The following C3 variants were observed in gnomAD, a reference collection of about 807,000 sequenced individuals.
C3 encodes complement C3.
A neutral mutation model predicts 207.9 loss-of-function variants in C3; 97 were observed. That is an observed-to-expected ratio of 0.47 (90% CI 0.40 to 0.55). The LOEUF (loss-of-function observed/expected upper bound fraction) is 0.55, where lower values mean the gene tolerates loss of function less well. C3 is among the 20% of genes least tolerant of loss of function. The probability of loss-of-function intolerance (pLI) is 0.00; values close to 1 mark genes in which losing one functional copy is unlikely to be tolerated. For synonymous variants in C3, 848 were observed against 857.6 expected (o/e 0.99, Z 0.20); for missense variants, 1,684 against 2,171.7 (o/e 0.78, Z 4.46).
Position 6,677,717 on chromosome 19 carries a change from G to C in C3, c.*165C>G. 10 of 859,942 alleles carry C rather than the reference G, an allele frequency of 1.2e-5. No homozygotes were observed. Among genetic ancestry groups the C allele is most frequent in the Non-Finnish European group, 1.6e-5 (9 of 558,012 alleles). The allele number at this position is 859,942 out of a possible 1,614,324, so 53.3% of individuals were successfully genotyped here. On this transcript the variant is annotated 3_prime_UTR_variant, in exon 41 of 41. Transcript: ENST00000245907. Reference sequence around the variant, plus strand: ...TAAAGAAGTCAGCACACTAGCAGGCGAACGCCAGGAGAAAATGCGGTGGGA... The same window carrying C: ...TAAAGAAGTCAGCACACTAGCAGGCCAACGCCAGGAGAAAATGCGGTGGGA...
At chr19:6,713,537 G>T (rs371785386) in intron 7 of C3, 28 bp from the exon 8 acceptor site, 3 of 1,533,702 alleles carry the variant, frequency 2.0e-6, no homozygotes, top group African/African-American at 1.4e-5. Context: ...AGGGCTTCAG[G>T]TCCATCCCTC....
rs138214338 is a variant in C3 at position 6,720,564 on chromosome 19, A to G, written c.26T>C (p.Leu9Pro). 7.0e-4 allele frequency: 1,111 copies of G among 1,588,944 alleles called. No individual in the cohort carries two copies. Among genetic ancestry groups the G allele is most frequent in the Non-Finnish European group, 9.2e-4 (1,073 of 1,167,446 alleles). The change falls in exon 1 of 41, where the codon CTG becomes CCG. Residue 9 changes from leucine to proline, a missense_variant. Around this residue, in one of 3 missense-constraint regions of C3, gnomAD observed 58 missense variants for 52.5 expected, o/e 1.10. Coordinates refer to ENST00000245907, the MANE Select transcript of C3 (RefSeq NM_000064.4). ...GAGGTGGGTTAGTAGCAGGAGCAGCAGGCTGGGACCTGAGGTGGGTCCCAT... is the reference window on the plus strand; with the variant it reads ...GAGGTGGGTTAGTAGCAGGAGCAGCGGGCTGGGACCTGAGGTGGGTCCCAT... The part of the protein sequence containing the change: MGPTSGPS[L>P]LLLLLTHLPL...
At chr19:6,697,212 CT>C in intron 21 of C3, 131 bp downstream of exon 21, 2 of 751,282 alleles carry the variant, frequency 2.7e-6, no homozygotes, top group Non-Finnish European at 2.3e-6. Flanking sequence ...AATTCTGGGA[CT>C]TCCAAATTTC....
intron 19 of C3, among the ~76,000 whole-genome samples, chr19:6,700,801 T>G (rs962284555): frequency 4.2e-5 from 4 of 94,522 alleles, no homozygotes; most frequent in African/African-American, 1.7e-4. Context: ...TAATATATAA[T>G]TATATATTAT....
chr19:6,711,566 C>A (rs543463355), intron 11 of C3, among the ~76,000 whole-genome samples: 1 of 152,296 alleles, frequency 6.6e-6, no homozygotes, highest in African/African-American at 2.4e-5. Flanking sequence ...GACTTCTGAC[C>A]TCTCAAACTA....
chr19:6,683,446 A>ATTTTTTTTTTTTTTTTTTTTTTT (rs770744810), intron 33 of C3: 2 of 93,428 alleles, frequency 2.1e-5, no homozygotes, highest in Non-Finnish European at 3.9e-5. Context: ...GTTTTATTCT[A>ATTTTTTTTTTTTTTTTTTTTTTT]TTTTTTTTTT....
intron 35 of C3, among the ~76,000 whole-genome samples, chr19:6,680,647 AC>A (rs746918433): frequency 7.2e-5 from 11 of 151,820 alleles, no homozygotes; most frequent in Admixed American, 2.0e-4. Context: ...ACCCTTCCTT[AC>A]CCCCCATGCC....
At chr19:6,697,887 G>A (rs1208749938) in intron 19 of C3, 93 bp from the exon 20 acceptor site, 2 of 1,293,068 alleles carry the variant, frequency 1.5e-6, no homozygotes, top group African/African-American at 1.5e-5. Context: ...CTCCGCAGGA[G>A]CTCTCCCTAA....
chr19:6,682,354 C>T (rs767976861), intron 33 of C3, 125 bp from the exon 34 acceptor site: 34 of 737,674 alleles, frequency 4.6e-5, no homozygotes, highest in Non-Finnish European at 7.9e-5. Flanking sequence ...CACAGAGGGG[C>T]GTTACATTTT....
intron 14 of C3, among the ~76,000 whole-genome samples, 198 bp downstream of exon 14, chr19:6,709,486 A>G (rs1324694831): frequency 1.3e-5 from 2 of 152,062 alleles, no homozygotes; most frequent in African/African-American, 2.4e-5. Flanking sequence ...TCCAATTCTC[A>G]GGACCATCCC....
rs747747423 is a variant in C3, at chr19:6,702,563, G to A, written c.2262C>T (p.Asp754=). The A allele has an allele frequency of 3.1e-6, 5 of 1,612,776 alleles. No individual in the cohort carries two copies. The highest frequency in any genetic ancestry group is 3.4e-6 in the Non-Finnish European group (4 of 1,178,734). Residue 754 remains aspartate, a synonymous_variant, in exon 18 of 41, where the codon GAC becomes GAT. Coordinates refer to ENST00000245907, the MANE Select transcript of C3 (RefSeq NM_000064.4). ...AAACGATGTTCTCTTCTGCAATGAT[G>A]TCCTCATCCAGGTTACCTGCAGGGG... The part of the protein sequence containing the change: ...LGLARSNLDE[D]IIAEENIVSR...
chr19:6,710,064 G>A lies in C3; in HGVS notation c.1687-222C>T, dbSNP rs138602203. Among the ~76,000 whole-genome samples the A allele has an allele frequency of 5.5e-3, 709 of 128,396 alleles. 27 individuals carry two copies. The highest frequency in any genetic ancestry group is 0.048 in the Admixed American group (594 of 12,436). 84.2% of individuals were successfully genotyped at this position (128,396 alleles called of 152,430 possible). On this transcript the variant is annotated intron_variant, in intron 13 of 40. Coordinates refer to ENST00000245907, the MANE Select transcript of C3 (RefSeq NM_000064.4). The stretch of plus-strand genomic sequence containing the variant: ...GAAAGGGAGAGACAGGGAGAGAGAC[G>A]GAGAGACAGGGAGAGAGGGAGAGAG...
At position 6,718,250 on chromosome 19, in the gene C3, T is replaced by A; in HGVS notation, c.430A>T (p.Thr144Ser). The change falls in exon 3 of 41, where the codon ACA (threonine) becomes TCA (serine). Residue 144 changes from threonine (T) to serine (S), a missense_variant. Coordinates refer to ENST00000245907, the MANE Select transcript of C3 (RefSeq NM_000064.4). ...CTCCAGCCGCCCCCAGCCTCACCTG[T>A]GGAGCCAGGGGTGTAGATGGTCTTG... Reference protein sequence around the residue: ...TDKTIYTPGSTVLYRIFTVNH... With the variant: ...TDKTIYTPGSSVLYRIFTVNH... 6.2e-7 allele frequency: 1 copy of A among 1,614,242 alleles called. No individual in the cohort carries two copies.
intron 33 of C3, 105 bp downstream of exon 33, chr19:6,684,283 C>A (rs1466536860): frequency 2.2e-6 from 2 of 898,616 alleles, no homozygotes; most frequent in Non-Finnish European, 3.8e-6. Flanking sequence ...GTATCAGATA[C>A]ACAGTGTACT....
chr19:6,707,900 G>A lies in C3; in HGVS notation c.1875C>T (p.Ile625=), dbSNP rs1181586208. The change falls in exon 15 of 41, where the codon ATC becomes ATT. Residue 625 remains isoleucine (I), a synonymous_variant. Transcript: ENST00000245907. ...KIWDVVEKAD[I]GCTPGSGKDY... is the part of the protein sequence containing the mutation. Reference sequence around the variant, plus strand: ...CCTTCCCACTGCCCGGGGTGCAGCCGATGTCTGCCTTCTCCACCACGTCCC... The same window carrying A: ...CCTTCCCACTGCCCGGGGTGCAGCCAATGTCTGCCTTCTCCACCACGTCCC... 41 of 1,613,950 alleles carry A rather than the reference G, an allele frequency of 2.5e-5. No individual in the cohort carries two copies. The highest frequency in any genetic ancestry group is 3.1e-5 in the Non-Finnish European group (37 of 1,180,008).
Position 6,717,484 on chromosome 19 carries a change from G to A in C3, c.504+610C>T, listed in dbSNP as rs114190203. On this transcript the variant is annotated intron_variant, in intron 4 of 40. Transcript: ENST00000245907. The stretch of plus-strand genomic sequence containing the variant: ...GTGTGTTGGGTTGTGTGTTGTGTGT[G>A]CTATGTTTGTGTGCACTGTGTTGTG... 3.0e-3 allele frequency: 631 copies of A among 210,896 alleles called. 5 individuals are homozygous for A. Among genetic ancestry groups the A allele is most frequent in the African/African-American group, 0.014 (605 of 43,452 alleles). 13.1% of individuals were successfully genotyped at this position (210,896 alleles called of 1,614,324 possible).
chr19:6,696,209 C>CAAA (rs963475515), intron 23 of C3, among the ~76,000 whole-genome samples, 170 bp downstream of exon 23: 3 of 63,816 alleles, frequency 4.7e-5, no homozygotes, highest in Non-Finnish European at 6.4e-5. Context: ...GACTCTGTCT[C>CAAA]AAAAAAAAAA....
intron 26 of C3, among the ~76,000 whole-genome samples, chr19:6,692,044 C>T (rs1300469496): frequency 6.6e-6 from 1 of 150,728 alleles, no homozygotes; most frequent in East Asian, 1.9e-4. Context: ...ACTCACACCC[C>T]TCAGATTCCT....
At chr19:6,685,425 A>T (rs1917979945) in intron 29 of C3, among the ~76,000 whole-genome samples, 1 of 152,192 alleles carries the variant, frequency 6.6e-6, no homozygotes, top group Non-Finnish European at 1.5e-5. Context: ...AGCGACCCTG[A>T]GGATGCAGTC....
Sources: allele counts gnomAD v4.1 joint callset (sites outside exome capture counted in the v4.1 genomes callset), GRCh38; gene constraint gnomAD v4.1.1; regional missense constraint gnomAD v4.1.1; transcripts MANE v1.5; gene names NCBI Gene and HGNC (gene_info 2026-07-23, HGNC 2026-07-21).